The following FRMPD4 variants were observed in gnomAD, a reference collection of about 807,000 sequenced individuals.
The protein encoded by FRMPD4 is FERM and PDZ domain containing 4.
In FRMPD4, 22 loss-of-function variants were observed where a neutral mutation model predicts 94.1. The ratio of observed to expected loss-of-function variants is 0.23; its 90% CI spans 0.17 to 0.33. The LOEUF is 0.33. FRMPD4 is among the 10% of genes least tolerant of loss of function. The probability of loss-of-function intolerance (pLI) is 1.00; values close to 1 mark genes in which losing one functional copy is unlikely to be tolerated. For missense variants in FRMPD4, 1,111 were observed against 1,339.9 expected (o/e 0.83, Z 2.67); for synonymous variants, 631 against 548.6 (o/e 1.15, Z -2.10).
chrX:11,980,073 C>T (rs1024268403), intron 3 of FRMPD4, among the ~76,000 whole-genome samples: 2 of 111,373 alleles, frequency 1.8e-5, no homozygotes, highest in East Asian at 5.6e-4. Flanking sequence ...TATGCTGTCT[C>T]GTCCTCATTT....
chrX:12,025,362 C>T (rs1264524153), intron 3 of FRMPD4, among the ~76,000 whole-genome samples: 1 of 110,018 alleles, frequency 9.1e-6, no homozygotes, highest in Non-Finnish European at 1.9e-5. Flanking sequence ...TCTTAGGTAT[C>T]TCAGAGGCCA....
chrX:12,001,756 G>A (rs1386216838), intron 3 of FRMPD4, among the ~76,000 whole-genome samples: 2 of 112,098 alleles, frequency 1.8e-5, no homozygotes, highest in African/African-American at 6.5e-5. Flanking sequence ...TTTTATCTTT[G>A]TAATTAAATG....
At chrX:11,983,411 A>G (rs2054407707) in intron 3 of FRMPD4, among the ~76,000 whole-genome samples, 2 of 111,921 alleles carry the variant, frequency 1.8e-5, no homozygotes, top group African/African-American at 3.2e-5. Context: ...TTTTGCTTTT[A>G]GCAGAATCCT....
intron 1 of FRMPD4, among the ~76,000 whole-genome samples, chrX:12,468,204 A>G (rs2057469867): frequency 9.0e-6 from 1 of 111,625 alleles, no homozygotes; most frequent in East Asian, 2.8e-4. Context: ...TTAAAGGAGG[A>G]TTTGCCTTAC....
intron 2 of FRMPD4, among the ~76,000 whole-genome samples, chrX:12,528,815 C>G (rs1179289988): frequency 8.9e-6 from 1 of 112,272 alleles, no homozygotes; most frequent in Non-Finnish European, 1.9e-5. Flanking sequence ...CAGATGTACT[C>G]TGTAAAAATC....
intron 1 of FRMPD4, among the ~76,000 whole-genome samples, chrX:12,273,767 A>G (rs1282091203): frequency 8.9e-6 from 1 of 112,274 alleles, no homozygotes; most frequent in Non-Finnish European, 1.9e-5. Flanking sequence ...TGCTTCATGC[A>G]CAGAGTTACT....
intron 2 of FRMPD4, among the ~76,000 whole-genome samples, chrX:12,581,174 A>C (rs948918441): frequency 8.9e-6 from 1 of 112,583 alleles, no homozygotes; most frequent in African/African-American, 3.2e-5. Context: ...TTTGAGTCCA[A>C]CCAAATTAGT....
chrX:12,535,013 G>A (rs1467739650), intron 2 of FRMPD4, among the ~76,000 whole-genome samples: 1 of 111,686 alleles, frequency 9.0e-6, no homozygotes, highest in African/African-American at 3.3e-5. Context: ...CCTACATGTT[G>A]TAGGAGAGAC....
chrX:11,844,620 T>G (rs772234813), intron 1 of FRMPD4, among the ~76,000 whole-genome samples: 1 of 111,609 alleles, frequency 9.0e-6, no homozygotes, highest in East Asian at 2.8e-4. Context: ...TATTTTTTTC[T>G]TTATATGTAG....
chrX:12,112,198 A>G (rs2055369668), intron 3 of FRMPD4, among the ~76,000 whole-genome samples: 1 of 112,343 alleles, frequency 8.9e-6, no homozygotes, highest in South Asian at 3.7e-4. Flanking sequence ...CTGGATTAAG[A>G]AAATGTGGCA....
chrX:12,626,156 G>A lies in FRMPD4; in HGVS notation c.422+11275G>A, dbSNP rs1316466376. 9.1e-5 allele frequency among the ~76,000 whole-genome samples: 10 copies of A among 109,499 alleles called. No homozygotes were observed. In the Admixed American group the frequency reaches 9.8e-4, roughly 11 times the overall value. ...AGCCTGGTCAACATAGTGAGACCTG[G>A]TCTCTACAAAAAAATTTTAAAAATT... is the stretch of plus-strand genomic sequence containing the variant. On this transcript the variant is annotated intron_variant, in intron 4 of 16. Coordinates refer to ENST00000675598, the MANE Select transcript of FRMPD4 (RefSeq NM_001368397.1).
At chrX:12,702,183 T>C (rs1010806508) in intron 10 of FRMPD4, among the ~76,000 whole-genome samples, 173 bp downstream of exon 10, 1 of 112,812 alleles carries the variant, frequency 8.9e-6, no homozygotes, top group East Asian at 2.8e-4. Context: ...CCATTTCTAA[T>C]CCACCTTTAG....
chrX:12,294,386 A>T (rs2054736731), intron 1 of FRMPD4, among the ~76,000 whole-genome samples: 1 of 110,895 alleles, frequency 9.0e-6, no homozygotes, highest in African/African-American at 3.3e-5. Flanking sequence ...AAGTAATTAA[A>T]TCTGTTCCTC....
At chrX:12,123,136 T>G (rs1463089803) in intron 3 of FRMPD4, among the ~76,000 whole-genome samples, 62 of 107,190 alleles carry the variant, frequency 5.8e-4, no homozygotes, top group African/African-American at 2.0e-3. Flanking sequence ...TTTTTTTTTT[T>G]TTTTTGTTTG....
chrX:11,951,583 G>T (rs1182944696), intron 3 of FRMPD4, among the ~76,000 whole-genome samples: 1 of 111,588 alleles, frequency 9.0e-6, no homozygotes, highest in Non-Finnish European at 1.9e-5. Context: ...AGACGCTGGG[G>T]CCTACCTGAG....
At chrX:11,875,869 A>ATTTTTTTT (rs869076863) in intron 2 of FRMPD4, among the ~76,000 whole-genome samples, 8 of 57,265 alleles carry the variant, frequency 1.4e-4, no homozygotes, top group African/African-American at 2.1e-4. Flanking sequence ...CCACTTGAGG[A>ATTTTTTTT]TTTTTTTTTT....
At chrX:12,253,232 C>G (rs2054067942) in intron 1 of FRMPD4, among the ~76,000 whole-genome samples, 1 of 112,238 alleles carries the variant, frequency 8.9e-6, no homozygotes, top group Non-Finnish European at 1.9e-5. Flanking sequence ...CGAAGCAAAT[C>G]AGAGGATGCA....
intron 1 of FRMPD4, among the ~76,000 whole-genome samples, chrX:12,200,533 C>T (rs1695514059): frequency 9.1e-6 from 1 of 110,041 alleles, no homozygotes; most frequent in South Asian, 4.0e-4. Context: ...GGGGTCTCAC[C>T]ATATTGCCCA....
intron 3 of FRMPD4, among the ~76,000 whole-genome samples, chrX:11,901,704 T>A (rs2053938771): frequency 8.9e-6 from 1 of 112,190 alleles, no homozygotes. Context: ...TAATTTACAT[T>A]CCCATCAGCA....
Sources: allele counts gnomAD v4.1 joint callset (sites outside exome capture counted in the v4.1 genomes callset), GRCh38; gene constraint gnomAD v4.1.1; transcripts MANE v1.5; gene names NCBI Gene and HGNC (gene_info 2026-07-23, HGNC 2026-07-21).